The following FREM2 variants were observed in gnomAD, a reference collection of about 807,000 sequenced individuals.
FREM2 encodes FRAS1 related extracellular matrix 2.
FREM2 carries 119 observed loss-of-function variants against 219.9 expected under a neutral mutation model. That is an observed-to-expected ratio of 0.54 (90% CI 0.47 to 0.63). The LOEUF is 0.63. FREM2 is among the 30% of genes least tolerant of loss of function. FREM2 has a pLI of 0.00. For synonymous variants in FREM2, 1,562 were observed against 1,522.8 expected (o/e 1.03, Z -0.60); for missense variants, 4,030 against 3,993.6 (o/e 1.01, Z -0.25).
intron 2 of FREM2, among the ~76,000 whole-genome samples, chr13:38,741,101 A>G (rs144446266): frequency 3.8e-4 from 58 of 152,312 alleles, no homozygotes; most frequent in African/African-American, 1.3e-3. Context: ...GTAGGAAACT[A>G]AGGCACAAAG....
chr13:38,840,087 G>T (rs71439788), intron 6 of FREM2, among the ~76,000 whole-genome samples: 21,535 of 152,146 alleles, frequency 0.14, 1,761 homozygotes, highest in Admixed American at 0.24. Context: ...TGGTGGTATA[G>T]GCACCCGAAG....
intron 4 of FREM2, among the ~76,000 whole-genome samples, chr13:38,780,680 G>A (rs977441647): frequency 1.1e-4 from 16 of 152,138 alleles, no homozygotes; most frequent in East Asian, 9.6e-4. Context: ...TACAGCAACC[G>A]GAAAGCCAAA....
chr13:38,877,102 T>A lies in FREM2; in HGVS notation c.8545-15T>A, dbSNP rs772131956. 11 of 1,613,944 alleles carry A rather than the reference T, an allele frequency of 6.8e-6. No individual in the cohort carries two copies. Among genetic ancestry groups the A allele is most frequent in the Non-Finnish European group, 8.5e-6 (10 of 1,179,918 alleles). On this transcript the variant is annotated splice_polypyrimidine_tract_variant and intron_variant, in intron 20 of 23. Transcript: ENST00000280481. ...AACCACTGATGCATAAAAGAACTTT[T>A]ACCTTTGGTTTTAGGTCAGTGATCC...
intron 6 of FREM2, among the ~76,000 whole-genome samples, chr13:38,840,644 A>ATG (rs1555271126): frequency 7.4e-6 from 1 of 134,268 alleles, no homozygotes; most frequent in Non-Finnish European, 1.6e-5. Context: ...ATATATATAT[A>ATG]TGTGTATGTA....
chr13:38,870,294 A>C (rs966561242), intron 16 of FREM2, among the ~76,000 whole-genome samples: 1 of 152,172 alleles, frequency 6.6e-6, no homozygotes, highest in Non-Finnish European at 1.5e-5. Flanking sequence ...GTAGCAGAAT[A>C]AATTTGACAG....
At chr13:38,875,232 C>T (rs1042413772) in intron 18 of FREM2, among the ~76,000 whole-genome samples, 2 of 150,690 alleles carry the variant, frequency 1.3e-5, no homozygotes, top group African/African-American at 4.9e-5. Context: ...AGTTTAGTAA[C>T]ATGGAGAGTC....
At chr13:38,725,142 G>A (rs1351579981) in intron 2 of FREM2, among the ~76,000 whole-genome samples, 1 of 152,166 alleles carries the variant, frequency 6.6e-6, no homozygotes, top group Non-Finnish European at 1.5e-5. Flanking sequence ...TAATCTATAT[G>A]TGCAAATAGC....
At chr13:38,734,576 T>C (rs2137771721) in intron 2 of FREM2, among the ~76,000 whole-genome samples, 1 of 152,270 alleles carries the variant, frequency 6.6e-6, no homozygotes, top group East Asian at 1.9e-4. Flanking sequence ...AAATATCTGC[T>C]GATATATACC....
chr13:38,807,520 T>G (rs1875295797), intron 6 of FREM2, among the ~76,000 whole-genome samples: 1 of 151,724 alleles, frequency 6.6e-6, no homozygotes, highest in African/African-American at 2.4e-5. Flanking sequence ...TTTTAAATGA[T>G]AAGACTTCAA....
intron 2 of FREM2, among the ~76,000 whole-genome samples, chr13:38,744,327 C>T (rs1032977248): frequency 2.0e-5 from 3 of 150,532 alleles, no homozygotes; most frequent in Non-Finnish European, 2.9e-5. Context: ...CCTCCTGCCT[C>T]AGCCTCCCTA....
At chr13:38,841,026 A>G (rs1248977391) in intron 6 of FREM2, among the ~76,000 whole-genome samples, 3 of 152,172 alleles carry the variant, frequency 2.0e-5, no homozygotes, top group African/African-American at 7.2e-5. Flanking sequence ...CACAGGCTTT[A>G]TCTAGATATG....
At chr13:38,873,164 T>C (rs905230438) in intron 17 of FREM2, among the ~76,000 whole-genome samples, 3 of 152,328 alleles carry the variant, frequency 2.0e-5, no homozygotes, top group Middle Eastern at 3.4e-3. Flanking sequence ...ATATATTTCA[T>C]GGATATTTTA....
chr13:38,842,710 T>G (rs758168949), intron 6 of FREM2, among the ~76,000 whole-genome samples: 19 of 152,200 alleles, frequency 1.2e-4, no homozygotes, highest in Non-Finnish European at 2.5e-4. Flanking sequence ...ACCTCTTCCT[T>G]TCATCTCAGG....
In FREM2 at chr13:38,688,748, G is replaced by T. The variant is rs1167268416; in HGVS notation, c.1404G>T (p.Leu468Phe). 1.2e-6 allele frequency: 2 copies of T among 1,613,880 alleles called. No homozygotes were observed. Among genetic ancestry groups the T allele is most frequent in the East Asian group, 2.2e-5 (1 of 44,882 alleles). ...TGPAGSGPQN[L>F]VISDEDDLEA... ...CTGCAGGCAGTGGTCCGCAAAACTTGGTCATCAGCGATGAGGATGACCTAG... is the reference window on the plus strand; with the variant it reads ...CTGCAGGCAGTGGTCCGCAAAACTTTGTCATCAGCGATGAGGATGACCTAG... Residue 468 changes from leucine to phenylalanine, a missense_variant, in exon 1 of 24, where the codon TTG becomes TTT. Leu to Phe is a conservative substitution (Grantham distance 22). Around this residue, in one of 2 missense-constraint regions of FREM2, gnomAD observed 3,102 missense variants for 2,950.7 expected, o/e 1.05. Transcript: ENST00000280481.
At chr13:38,753,956 T>TTTTTA (rs57771522) in intron 2 of FREM2, among the ~76,000 whole-genome samples, 24,386 of 148,864 alleles carry the variant, frequency 0.16, 2,010 homozygotes, top group Middle Eastern at 0.3. Flanking sequence ...TAACACATTC[T>TTTTTA]TTTTATTTTA....
At chr13:38,851,605 C>A in intron 10 of FREM2, 81 bp from the exon 11 acceptor site, 1 of 1,114,578 alleles carries the variant, frequency 9.0e-7, no homozygotes, top group Non-Finnish European at 1.4e-6. Flanking sequence ...TCCCCTCCCA[C>A]ATGGAAACAA....
At position 38,857,992 on chromosome 13, in the gene FREM2, A is replaced by G; in HGVS notation, c.7174A>G (p.Ser2392Gly). 3 of 1,614,056 alleles carry G rather than the reference A, an allele frequency of 1.9e-6. No homozygotes were observed. Among genetic ancestry groups the G allele is most frequent in the Non-Finnish European group, 2.5e-6 (3 of 1,179,940 alleles). The change falls in exon 13 of 24, where the codon AGT (serine) becomes GGT (glycine). Residue 2392 changes from serine (S) to glycine (G), a missense_variant. By Grantham distance (56) the Ser-to-Gly change is moderately conservative. Transcript: ENST00000280481. ...TGACGACACTTCCAAAGCTAAGGAG[A>G]GTGCTGAACCCATGTCTGGCTATCC... The part of the protein sequence containing the change: ...MYDDTSKAKE[S>G]AEPMSGYPVI...
intron 2 of FREM2, among the ~76,000 whole-genome samples, chr13:38,735,948 C>T (rs985996701): frequency 3.3e-5 from 5 of 152,140 alleles, no homozygotes; most frequent in African/African-American, 1.2e-4. Flanking sequence ...AATCTGACAT[C>T]CCCATGTCTT....
rs563173478 is a variant in FREM2 at position 38,867,665 on chromosome 13, G to T, written c.7983+3059G>T. Among the ~76,000 whole-genome samples, 5 of 152,286 alleles carry T rather than the reference G, an allele frequency of 3.3e-5. 1 individual carries two copies. The South Asian group carries it at 1.0e-3, about 32-fold the overall frequency. The stretch of plus-strand genomic sequence containing the variant: ...CCAGTGGTGTGGCCCACTCCAAGAG[G>T]CCAAAGGCCTGAGAACCCAGGTTAA... On this transcript the variant is annotated intron_variant, in intron 16 of 23. Transcript: ENST00000280481.
Sources: gnomAD v4.1 joint callset for allele counts (sites outside exome capture counted in the v4.1 genomes callset) on GRCh38, gnomAD v4.1.1 for gene constraint, gnomAD v4.1.1 regional missense constraint, MANE v1.5 for transcripts, NCBI Gene and HGNC (gene_info 2026-07-23, HGNC 2026-07-21) for gene names.